The following CLMP variants were observed in gnomAD, a reference collection of about 807,000 sequenced individuals.
The protein encoded by CLMP is CXADR-like membrane protein.
A neutral mutation model predicts 45.2 loss-of-function variants in CLMP; 27 were observed. The ratio of observed to expected loss-of-function variants is 0.60; its 90% CI spans 0.44 to 0.82. The LOEUF (loss-of-function observed/expected upper bound fraction) is 0.82, where lower values mean the gene tolerates loss of function less well. CLMP is among the 40% of genes least tolerant of loss of function. The pLI, the probability that CLMP is intolerant of heterozygous loss-of-function variation, is 0.00. For missense variants in CLMP, 403 were observed against 448.4 expected (o/e 0.90, Z 0.91); for synonymous variants, 167 against 171.4 (o/e 0.97, Z 0.20).
chr11:123,098,483 C>G (rs889604273), intron 1 of CLMP, among the ~76,000 whole-genome samples: 2 of 152,018 alleles, frequency 1.3e-5, no homozygotes, highest in Non-Finnish European at 2.9e-5. Flanking sequence ...CCGCCTTGGT[C>G]TCCCAAAGTG....
intron 1 of CLMP, among the ~76,000 whole-genome samples, chr11:123,122,884 C>T (rs1860837434): frequency 6.6e-6 from 1 of 152,050 alleles, no homozygotes; most frequent in South Asian, 2.1e-4. Context: ...TTGGTTCAGA[C>T]TAAGGGAAAT....
intron 1 of CLMP, among the ~76,000 whole-genome samples, chr11:123,107,533 A>ATT (rs1860578174): frequency 8.8e-6 from 1 of 113,364 alleles, no homozygotes; most frequent in African/African-American, 3.5e-5. Context: ...ACCTGACCTA[A>ATT]ATTTTTTTTT....
intron 1 of CLMP, among the ~76,000 whole-genome samples, chr11:123,106,382 G>GGT (rs539659160): frequency 0.038 from 5,078 of 135,114 alleles, 115 homozygotes; most frequent in Middle Eastern, 0.086. Flanking sequence ...TTCTGTAGGA[G>GGT]GTGTGTGTGT....
intron 1 of CLMP, among the ~76,000 whole-genome samples, chr11:123,098,697 G>A (rs1866018918): frequency 6.9e-6 from 1 of 144,276 alleles, no homozygotes; most frequent in Non-Finnish European, 1.5e-5. Flanking sequence ...CACCATCCTG[G>A]CTAATTTTTT....
chr11:123,132,850 G>A (rs1417764166), intron 1 of CLMP, among the ~76,000 whole-genome samples: 4 of 151,692 alleles, frequency 2.6e-5, no homozygotes, highest in East Asian at 3.9e-4. Flanking sequence ...TGTGATCTCC[G>A]CTCACTGCAA....
chr11:123,150,531 A>AAGGAAG (rs1861316880), intron 1 of CLMP, among the ~76,000 whole-genome samples: 4 of 85,294 alleles, frequency 4.7e-5, no homozygotes, highest in East Asian at 3.8e-4. Flanking sequence ...AAGGAAGGAA[A>AAGGAAG]GAAACAAGCA....
At chr11:123,148,382 C>T (rs529699903) in intron 1 of CLMP, among the ~76,000 whole-genome samples, 11 of 152,128 alleles carry the variant, frequency 7.2e-5, no homozygotes, top group Non-Finnish European at 1.6e-4. Flanking sequence ...ATCAGTGGTC[C>T]GCAGTTGTGG....
At chr11:123,194,493 C>G (rs1348217142) in intron 1 of CLMP, among the ~76,000 whole-genome samples, 1 of 152,150 alleles carries the variant, frequency 6.6e-6, no homozygotes, top group Admixed American at 6.5e-5. Context: ...ATCCCCCACT[C>G]TGCTCACCCT....
At position 123,073,695 on chromosome 11, in the gene CLMP, A is replaced by T; in HGVS notation, c.901T>A (p.Ser301Thr). 1 of 1,614,194 alleles carries T rather than the reference A, an allele frequency of 6.2e-7. No homozygotes were observed. Among genetic ancestry groups the T allele is most frequent in the Non-Finnish European group, 8.5e-7 (1 of 1,180,024 alleles). ...SSGSRSSRSG[S>T]SSTRSTANSA... Reference sequence around the variant, plus strand: ...TTTGCTGTGGAGCGAGTGGAGGAAGAACCAGAGCGTGAGCTCCGAGAGCCT... The same window carrying T: ...TTTGCTGTGGAGCGAGTGGAGGAAGTACCAGAGCGTGAGCTCCGAGAGCCT... The change falls in exon 7 of 7, where the codon TCT becomes ACT. Residue 301 changes from serine (S) to threonine (T), a missense_variant. Coordinates refer to ENST00000448775, the MANE Select transcript of CLMP (RefSeq NM_024769.5).
At chr11:123,177,246 T>G (rs1181073694) in intron 1 of CLMP, among the ~76,000 whole-genome samples, 1 of 152,202 alleles carries the variant, frequency 6.6e-6, no homozygotes, top group Admixed American at 6.5e-5. Flanking sequence ...GGGGTGTTTT[T>G]GCTCCTTTGA....
At chr11:123,111,628 GTTATTC>G (rs1306494770) in intron 1 of CLMP, among the ~76,000 whole-genome samples, 2 of 152,172 alleles carry the variant, frequency 1.3e-5, no homozygotes, top group East Asian at 1.9e-4. Context: ...CTTTAAGGTA[GTTATTC>G]TTAGTAACAA....
intron 1 of CLMP, among the ~76,000 whole-genome samples, chr11:123,118,890 AGGG>A (rs1860753185): frequency 6.6e-6 from 1 of 151,410 alleles, no homozygotes; most frequent in Admixed American, 6.6e-5. Context: ...TTGTCTTGCC[AGGG>A]GATTGTCTTC....
At chr11:123,194,787 A>G in intron 1 of CLMP, 126 bp downstream of exon 1, 1 of 1,166,904 alleles carries the variant, frequency 8.6e-7, no homozygotes, top group South Asian at 1.3e-5. Context: ...GCCAGGAGGC[A>G]GGGACTGAAA....
At chr11:123,118,931 TTCTTTCTTTC>T (rs1860755317) in intron 1 of CLMP, among the ~76,000 whole-genome samples, 1 of 17,038 alleles carries the variant, frequency 5.9e-5, no homozygotes, top group South Asian at 2.4e-3. Context: ...TTCTTTTCTT[TTCTTTCTTTC>T]TTTCTTTCTT....
intron 1 of CLMP, among the ~76,000 whole-genome samples, chr11:123,173,927 CA>C (rs1389900541): frequency 6.6e-6 from 1 of 151,846 alleles, no homozygotes; most frequent in East Asian, 1.9e-4. Context: ...ACAAGAAATC[CA>C]AAAAATTAGC....
chr11:123,086,573 C>T (rs1865867428), intron 2 of CLMP, among the ~76,000 whole-genome samples: 1 of 152,212 alleles, frequency 6.6e-6, no homozygotes, highest in African/African-American at 2.4e-5. Flanking sequence ...AACCTATGAA[C>T]TCTGACCCAG....
intron 5 of CLMP, among the ~76,000 whole-genome samples, chr11:123,079,975 C>T (rs1865785633): frequency 6.6e-6 from 1 of 152,246 alleles, no homozygotes; most frequent in Admixed American, 6.5e-5. Context: ...TGTTACTGAA[C>T]ACCCACCATG....
intron 1 of CLMP, among the ~76,000 whole-genome samples, chr11:123,162,726 T>C (rs1861503085): frequency 6.7e-6 from 1 of 150,348 alleles, no homozygotes; most frequent in Non-Finnish European, 1.5e-5. Flanking sequence ...CGAAACATTG[T>C]CTCTAAAAAA....
intron 1 of CLMP, among the ~76,000 whole-genome samples, chr11:123,116,655 T>C (rs978175750): frequency 6.6e-6 from 1 of 152,210 alleles, no homozygotes; most frequent in Non-Finnish European, 1.5e-5. Context: ...TGTCTTCTTA[T>C]AGAATTAAAA....
Sources: allele counts gnomAD v4.1 joint callset (sites outside exome capture counted in the v4.1 genomes callset), GRCh38; gene constraint gnomAD v4.1.1; transcripts MANE v1.5; gene names NCBI Gene and HGNC (gene_info 2026-07-23, HGNC 2026-07-21).